Variants in PRPH2 observed in about 807,000 individuals in gnomAD.
The protein encoded by PRPH2 is peripherin 2.
A neutral mutation model predicts 31.3 loss-of-function variants in PRPH2; 17 were observed. The ratio of observed to expected loss-of-function variants is 0.54; its 90% CI spans 0.37 to 0.81. PRPH2 has a LOEUF of 0.81. Ranked by LOEUF, PRPH2 falls within the 40% of genes least tolerant of loss-of-function variation. The probability of loss-of-function intolerance (pLI) is 0.00; values close to 1 mark genes in which losing one functional copy is unlikely to be tolerated. For missense variants in PRPH2, 430 were observed against 439.7 expected (o/e 0.98, Z 0.20); for synonymous variants, 165 against 184.4 (o/e 0.89, Z 0.85).
Position 42,722,356 on chromosome 6 carries a change from T to A in PRPH2, c.-22A>T, listed in dbSNP as rs778094343. 2 of 1,612,110 alleles carry A rather than the reference T, an allele frequency of 1.2e-6. No individual in the cohort carries two copies. Among genetic ancestry groups the A allele is most frequent in the Non-Finnish European group, 1.7e-6 (2 of 1,180,004 alleles). On this transcript the variant is annotated 5_prime_UTR_variant, in exon 1 of 3. Coordinates refer to ENST00000230381, the MANE Select transcript of PRPH2 (RefSeq NM_000322.5). The surrounding 1 kb of genome is among the most constrained non-coding windows in gnomAD (Gnocchi z 4.4). The stretch of plus-strand genomic sequence containing the variant: ...CCATGCTTGCCAAGTGTAGTCCGGG[T>A]TGCTTCCCACAGCACAGCTCCCACC...
chr6:42,705,599 A>AAAATATATATATATATAT (rs1562424252), intron 1 of PRPH2, among the ~76,000 whole-genome samples: 10 of 21,460 alleles, frequency 4.7e-4, no homozygotes, highest in Admixed American at 6.4e-4. Flanking sequence ...AAAAAAAAAA[A>AAAATATATATATATATAT]ATATATATAT....
chr6:42,714,107 G>A (rs1761728665), intron 1 of PRPH2, among the ~76,000 whole-genome samples: 1 of 152,058 alleles, frequency 6.6e-6, no homozygotes. Flanking sequence ...GGAGAGTAAG[G>A]TGAAAAGAGC....
At chr6:42,719,567 CTT>C (rs35810763) in intron 1 of PRPH2, among the ~76,000 whole-genome samples, 9 of 111,050 alleles carry the variant, frequency 8.1e-5, no homozygotes, top group South Asian at 2.9e-4. Context: ...ACTAAATTGT[CTT>C]TTTTTTTTTT....
rs1799974718 is a variant in PRPH2, at chr6:42,697,925, G to C, written c.*370C>G. ...AGCTCATAAGAGGTAAATTCTAAAA[G>C]GGGAGCAGCCCTCAGATACGGCCAG... On this transcript the variant is annotated 3_prime_UTR_variant, in exon 3 of 3. Transcript: ENST00000230381. 1 of 252,816 alleles carries C rather than the reference G, an allele frequency of 4.0e-6. No homozygotes were observed. Among genetic ancestry groups the C allele is most frequent in the African/African-American group, 2.2e-5 (1 of 45,448 alleles). The allele number at this position is 252,816 out of a possible 1,614,324, so 15.7% of individuals were successfully genotyped here.
intron 2 of PRPH2, among the ~76,000 whole-genome samples, chr6:42,701,122 G>A (rs986986894): frequency 3.3e-5 from 5 of 151,342 alleles, no homozygotes; most frequent in African/African-American, 1.2e-4. Flanking sequence ...CTACATGTGT[G>A]CACCACCACA....
chr6:42,705,699 G>A (rs1248172282), intron 1 of PRPH2, among the ~76,000 whole-genome samples: 1 of 147,252 alleles, frequency 6.8e-6, no homozygotes, highest in Non-Finnish European at 1.5e-5. Flanking sequence ...GCTCACGCCT[G>A]TAATCCCAGC....
chr6:42,705,610 A>C lies in PRPH2; in HGVS notation c.582-999T>G, dbSNP rs1172363019. Among the ~76,000 whole-genome samples the C allele has an allele frequency of 7.4e-3, 411 of 55,288 alleles. 6 individuals carry two copies. Among genetic ancestry groups the C allele is most frequent in the African/African-American group, 0.05 (398 of 7,890 alleles). 36.3% of individuals were successfully genotyped at this position (55,288 alleles called of 152,430 possible). ...AAAAAAAAAAAAAAAATATATATAT[A>C]TATATATATATATATATATATTTGT... On this transcript the variant is annotated intron_variant, in intron 1 of 2. Transcript: ENST00000230381.
In PRPH2 at chr6:42,704,360, C is replaced by A. The variant is rs1179348209; in HGVS notation, c.828+5G>T. ...CCCTCTACCCCCAGCTGGCCCAGGGCCTACCTCGAAGAGCCAAATGAGGAG... is the reference window on the plus strand; with the variant it reads ...CCCTCTACCCCCAGCTGGCCCAGGGACTACCTCGAAGAGCCAAATGAGGAG... On this transcript the variant is annotated splice_donor_5th_base_variant and intron_variant, in intron 2 of 2. Transcript: ENST00000230381. The A allele has an allele frequency of 1.2e-6, 2 of 1,607,100 alleles. No individual in the cohort carries two copies. Among genetic ancestry groups the A allele is most frequent in the Non-Finnish European group, 1.7e-6 (2 of 1,176,960 alleles).
chr6:42,721,999 G>T lies in PRPH2; in HGVS notation c.336C>A (p.Leu112=). The change falls in exon 1 of 3, where the codon CTC becomes CTA. Residue 112 remains leucine (L), a synonymous_variant. Transcript: ENST00000230381. ...GAAAGCAGCAGAGAGCCACAAGGAA[G>T]AGGATGATGTTGAAGAGAACACAGA... ...LAICVLFNII[L]FLVALCCFLL... 6.2e-7 allele frequency: 1 copy of T among 1,614,166 alleles called. No homozygotes were observed. The highest frequency in any genetic ancestry group is 8.5e-7 in the Non-Finnish European group (1 of 1,180,044).
chr6:42,698,269 T>C lies in PRPH2; in HGVS notation c.*26A>G, dbSNP rs751894791. The C allele has an allele frequency of 1.2e-6, 2 of 1,612,692 alleles. No homozygotes were observed. The highest frequency in any genetic ancestry group is 2.7e-5 in the African/African-American group (2 of 74,852). On this transcript the variant is annotated 3_prime_UTR_variant, in exon 3 of 3. Transcript: ENST00000230381. ...CTTGGAGTGCACTATTTCTCAGTGT[T>C]CGGGAGGGGAGGGGCCCCAGGGCCC...
At chr6:42,709,186 C>T (rs562027953) in intron 1 of PRPH2, among the ~76,000 whole-genome samples, 12 of 151,976 alleles carry the variant, frequency 7.9e-5, no homozygotes, top group Non-Finnish European at 1.3e-4. Context: ...AAAAATTAGC[C>T]GGGCGTGGTG....
chr6:42,715,007 C>T (rs1450442254), intron 1 of PRPH2, among the ~76,000 whole-genome samples: 13 of 151,852 alleles, frequency 8.6e-5, no homozygotes, highest in African/African-American at 2.9e-4. Context: ...GTCAGGAGTT[C>T]GAGAGCAGCC....
At chr6:42,706,298 G>C (rs973596496) in intron 1 of PRPH2, among the ~76,000 whole-genome samples, 4 of 151,962 alleles carry the variant, frequency 2.6e-5, no homozygotes, top group Admixed American at 2.6e-4. Context: ...CCAGATACTC[G>C]GGAGGCTGAG....
chr6:42,699,751 G>C (rs1442640749), intron 2 of PRPH2, among the ~76,000 whole-genome samples: 1 of 152,032 alleles, frequency 6.6e-6, no homozygotes, highest in East Asian at 1.9e-4. Context: ...ATAATTGCCG[G>C]GTGTGGTGGC....
chr6:42,697,960 G>A lies in PRPH2; in HGVS notation c.*335C>T. ...CCTCAGATACGGCCAGTGGCCATAG[G>A]GTGGGACTAAATCCGTGTGAGAAAG... On this transcript the variant is annotated 3_prime_UTR_variant, in exon 3 of 3. Coordinates refer to ENST00000230381, the MANE Select transcript of PRPH2 (RefSeq NM_000322.5). 1 of 341,660 alleles carries A rather than the reference G, an allele frequency of 2.9e-6. No individual in the cohort carries two copies. Among genetic ancestry groups the A allele is most frequent in the African/African-American group, 2.1e-5 (1 of 48,296 alleles). The allele number at this position is 341,660 out of a possible 1,614,324, so 21.2% of individuals were successfully genotyped here.
chr6:42,713,183 C>G (rs1376591449), intron 1 of PRPH2, among the ~76,000 whole-genome samples: 1 of 151,686 alleles, frequency 6.6e-6, no homozygotes, highest in Non-Finnish European at 1.5e-5. Flanking sequence ...CGACATGGTG[C>G]CACTGCACTC....
rs140486459 is a variant in PRPH2, at chr6:42,707,713, G to A, written c.582-3102C>T. ...ATTTCCATGAACCATGTTGACTTCC[G>A]CCTATTATGATTAAGACTTTCTAGA... On this transcript the variant is annotated intron_variant, in intron 1 of 2. Coordinates refer to ENST00000230381, the MANE Select transcript of PRPH2 (RefSeq NM_000322.5). 2.1e-3 allele frequency among the ~76,000 whole-genome samples: 320 copies of A among 152,206 alleles called. 1 individual carries two copies. Among genetic ancestry groups the A allele is most frequent in the African/African-American group, 7.4e-3 (308 of 41,532 alleles).
At chr6:42,701,674 G>A (rs1011896353) in intron 2 of PRPH2, among the ~76,000 whole-genome samples, 20 of 83,482 alleles carry the variant, frequency 2.4e-4, no homozygotes, top group African/African-American at 7.9e-4. Flanking sequence ...GCGCCACCAC[G>A]TCCAGCAATT....
intron 2 of PRPH2, among the ~76,000 whole-genome samples, chr6:42,700,757 T>A (rs1161089080): frequency 1.3e-5 from 2 of 152,116 alleles, no homozygotes; most frequent in Non-Finnish European, 2.9e-5. Context: ...CCTGACTGGA[T>A]TGTGAAGCCT....
Sources: allele counts gnomAD v4.1 joint callset (sites outside exome capture counted in the v4.1 genomes callset), GRCh38; gene constraint gnomAD v4.1.1; non-coding constraint Gnocchi (gnomAD v3.1); transcripts MANE v1.5; gene names NCBI Gene and HGNC (gene_info 2026-07-23, HGNC 2026-07-21).